GCH1: variants seen among roughly 807,000 people sequenced by gnomAD.
GCH1 encodes GTP cyclohydrolase I.
A neutral mutation model predicts 25.9 loss-of-function variants in GCH1; 5 were observed. The ratio of observed to expected loss-of-function variants is 0.19; its 90% CI spans 0.10 to 0.41. The LOEUF (loss-of-function observed/expected upper bound fraction) is 0.41. GCH1 is among the 10% of genes least tolerant of loss of function. The pLI, the probability that GCH1 is intolerant of heterozygous loss-of-function variation, is 1.00. For missense variants in GCH1, 261 were observed against 336.5 expected (o/e 0.78, Z 1.75); for synonymous variants, 159 against 129.6 (o/e 1.23, Z -1.54).
intron 1 of GCH1, among the ~76,000 whole-genome samples, chr14:54,872,285 A>G (rs1041900900): frequency 7.9e-5 from 12 of 152,168 alleles, no homozygotes; most frequent in African/African-American, 2.9e-4. Flanking sequence ...TCCTTTACAG[A>G]CAAGCAAATG....
intron 4 of GCH1, among the ~76,000 whole-genome samples, chr14:54,846,551 TA>T (rs1235467854): frequency 3.9e-5 from 6 of 152,180 alleles, no homozygotes; most frequent in African/African-American, 1.4e-4. Flanking sequence ...TGATTATGTA[TA>T]AAATGAGCCC....
intron 1 of GCH1, among the ~76,000 whole-genome samples, chr14:54,896,091 C>G (rs1327974078): frequency 6.6e-6 from 1 of 151,964 alleles, no homozygotes; most frequent in Non-Finnish European, 1.5e-5. Context: ...TGTAAAATAC[C>G]AACTTATTTT....
At chr14:54,860,439 C>T (rs757010380) in intron 2 of GCH1, among the ~76,000 whole-genome samples, 75 of 152,056 alleles carry the variant, frequency 4.9e-4, no homozygotes, top group Non-Finnish European at 4.6e-4. Context: ...ACCTCACAGC[C>T]TTAAGATCCC....
In GCH1 at chr14:54,861,516, A is replaced by C. The variant is rs1168592355; in HGVS notation, c.454-1780T>G. 5.9e-5 allele frequency among the ~76,000 whole-genome samples: 9 copies of C among 152,018 alleles called. 1 individual carries two copies. The highest frequency in any genetic ancestry group is 5.9e-4 in the Admixed American group (9 of 15,246). On this transcript the variant is annotated intron_variant, in intron 2 of 5. Coordinates refer to ENST00000491895, the MANE Select transcript of GCH1 (RefSeq NM_000161.3). ...TTTGGGTGGATTGCCTGAGGTCAGGAGTTCAAGACCAGCCTGGCCAACATG... is the reference window on the plus strand; with the variant it reads ...TTTGGGTGGATTGCCTGAGGTCAGGCGTTCAAGACCAGCCTGGCCAACATG...
intron 3 of GCH1, among the ~76,000 whole-genome samples, chr14:54,847,863 A>G (rs1175427509): frequency 6.6e-6 from 1 of 152,140 alleles, no homozygotes; most frequent in African/African-American, 2.4e-5. Flanking sequence ...TCAATTTTAG[A>G]TCATGTCTCA....
intron 3 of GCH1, among the ~76,000 whole-genome samples, chr14:54,849,683 C>A (rs2039695956): frequency 6.6e-6 from 1 of 152,178 alleles, no homozygotes; most frequent in African/African-American, 2.4e-5. Context: ...TCTAACGTTG[C>A]ATCTAGCACA....
chr14:54,846,876 T>C (rs1267882171), intron 4 of GCH1, among the ~76,000 whole-genome samples: 1 of 152,042 alleles, frequency 6.6e-6, no homozygotes, highest in Non-Finnish European at 1.5e-5. Flanking sequence ...GCCTGATCAA[T>C]ATGGTGAAAC....
chr14:54,901,096 T>A (rs767373964), intron 1 of GCH1, among the ~76,000 whole-genome samples: 1 of 152,092 alleles, frequency 6.6e-6, no homozygotes. Flanking sequence ...TCTTTCACAT[T>A]CTGATTTCCC....
intron 1 of GCH1, chr14:54,885,584 GC>G: frequency 2.6e-6 from 1 of 391,968 alleles, no homozygotes; most frequent in Non-Finnish European, 4.9e-6. Flanking sequence ...GATGTCATCT[GC>G]CACCAGGAAG....
At position 54,842,201 on chromosome 14, in the gene GCH1, AACAG is replaced by A. The variant is rs2039567137; in HGVS notation, c.*1812_*1815del. ...TTTGAAGTACTAAAGACTAGAGTAA[AACAG>A]ACAAAGTCATTACTTTGCATTTACT... On this transcript the variant is annotated 3_prime_UTR_variant, in exon 6 of 6. Coordinates refer to ENST00000491895, the MANE Select transcript of GCH1 (RefSeq NM_000161.3). 4 of 152,730 alleles carry A rather than the reference AACAG, an allele frequency of 2.6e-5. No individual in the cohort carries two copies. The South Asian group carries it at 8.3e-4, about 32-fold the overall frequency. The allele number at this position is 152,730 out of a possible 1,614,324, so 9.5% of individuals were successfully genotyped here. A position where few individuals can be genotyped will look rare whatever the true frequency, so the allele number is the denominator to read the frequency against.
In GCH1 at chr14:54,897,012, T is replaced by G. The variant is rs1035056819; in HGVS notation, c.343+5309A>C. ...TTATCCATTCTACTCCACTTTTTGT[T>G]TTTTTTTTTTTTTTTTGAGATGGAG... is the stretch of plus-strand genomic sequence containing the variant. On this transcript the variant is annotated intron_variant, in intron 1 of 5. Coordinates refer to ENST00000491895, the MANE Select transcript of GCH1 (RefSeq NM_000161.3). Among the ~76,000 whole-genome samples, 12 of 135,910 alleles carry G rather than the reference T, an allele frequency of 8.8e-5. 1 individual carries two copies. The highest frequency in any genetic ancestry group is 3.4e-4 in the African/African-American group (12 of 34,942). 89.2% of individuals were successfully genotyped at this position (135,910 alleles called of 152,430 possible).
intron 3 of GCH1, among the ~76,000 whole-genome samples, chr14:54,854,550 A>C (rs926977273): frequency 6.6e-6 from 1 of 152,206 alleles, no homozygotes; most frequent in Non-Finnish European, 1.5e-5. Context: ...GAACTACAGA[A>C]AAGTTTTAAA....
intron 1 of GCH1, among the ~76,000 whole-genome samples, chr14:54,883,228 C>T (rs2040296849): frequency 6.6e-6 from 1 of 151,308 alleles, no homozygotes; most frequent in South Asian, 2.1e-4. Flanking sequence ...AAAAATTAGC[C>T]GGGCACGGTG....
intron 2 of GCH1, among the ~76,000 whole-genome samples, chr14:54,862,803 T>A (rs1406559692): frequency 6.6e-6 from 1 of 152,018 alleles, no homozygotes; most frequent in Non-Finnish European, 1.5e-5. Context: ...CTTATGAAAC[T>A]TTAGATCTAA....
chr14:54,846,350 T>C (rs1194035037), intron 4 of GCH1, among the ~76,000 whole-genome samples: 2 of 152,220 alleles, frequency 1.3e-5, no homozygotes, highest in African/African-American at 4.8e-5. Flanking sequence ...GGAATATTCA[T>C]TGCAGCACTG....
At chr14:54,858,982 AAAG>A (rs2140062064) in intron 3 of GCH1, among the ~76,000 whole-genome samples, 1 of 152,354 alleles carries the variant, frequency 6.6e-6, no homozygotes, top group Non-Finnish European at 1.5e-5. Context: ...AAACAACAGA[AAAG>A]AAGATTGTAG....
At chr14:54,895,799 G>A (rs1297947327) in intron 1 of GCH1, among the ~76,000 whole-genome samples, 1 of 152,210 alleles carries the variant, frequency 6.6e-6, no homozygotes. Flanking sequence ...GTTCCTGGGA[G>A]AGATGATAGC....
intron 1 of GCH1, chr14:54,885,405 C>G: frequency 4.1e-6 from 1 of 242,852 alleles, no homozygotes; most frequent in Non-Finnish European, 8.4e-6. Flanking sequence ...AGGAACTCCA[C>G]AGGAAGTGCT....
intron 1 of GCH1, among the ~76,000 whole-genome samples, chr14:54,876,385 T>C (rs1235519090): frequency 1.3e-5 from 2 of 152,064 alleles, no homozygotes; most frequent in Non-Finnish European, 2.9e-5. Context: ...GAGATATACC[T>C]AATGTTAAAT....
Sources: gnomAD v4.1 joint callset for allele counts (sites outside exome capture counted in the v4.1 genomes callset) on GRCh38, gnomAD v4.1.1 for gene constraint, MANE v1.5 for transcripts, NCBI Gene and HGNC (gene_info 2026-07-23, HGNC 2026-07-21) for gene names.